PTPRZ1: variants seen among roughly 807,000 people sequenced by gnomAD.
PTPRZ1 encodes protein tyrosine phosphatase receptor type Z1.
In PTPRZ1, 82 loss-of-function variants were observed where a neutral mutation model predicts 214.1. That is an observed-to-expected ratio of 0.38 (90% CI 0.32 to 0.46). PTPRZ1 has a LOEUF of 0.46. Ranked by LOEUF, PTPRZ1 falls within the 20% of genes least tolerant of loss-of-function variation. The pLI, the probability that PTPRZ1 is intolerant of heterozygous loss-of-function variation, is 1.00. For synonymous variants in PTPRZ1, 945 were observed against 987.9 expected, an observed-to-expected ratio of 0.96 and a Z score of 0.81; for missense variants, 2,603 against 2,748.7, an observed-to-expected ratio of 0.95 and a Z score of 1.19.
intron 2 of PTPRZ1, among the ~76,000 whole-genome samples, chr7:121,956,833 A>C (rs1175456046): frequency 5.9e-5 from 9 of 152,250 alleles, no homozygotes; most frequent in African/African-American, 2.2e-4. Context: ...ACCAAGAGGA[A>C]GTCTCTCAAA....
At chr7:121,914,587 G>GC (rs1156315795) in intron 1 of PTPRZ1, among the ~76,000 whole-genome samples, 1 of 152,122 alleles carries the variant, frequency 6.6e-6, no homozygotes, top group Non-Finnish European at 1.5e-5. Flanking sequence ...CTTGGGACGT[G>GC]CCTTGAATTT....
At chr7:121,881,628 T>C (rs1189859138) in intron 1 of PTPRZ1, among the ~76,000 whole-genome samples, 1 of 152,166 alleles carries the variant, frequency 6.6e-6, no homozygotes, top group Non-Finnish European at 1.5e-5. Context: ...TCCTGGAAAT[T>C]TTCCCTTCTC....
chr7:121,983,766 A>C lies in PTPRZ1; in HGVS notation c.721A>C (p.Thr241Pro). 1.2e-6 allele frequency: 2 copies of C among 1,613,748 alleles called. No individual in the cohort carries two copies. Among genetic ancestry groups the C allele is most frequent in the Non-Finnish European group, 1.7e-6 (2 of 1,179,936 alleles). The change falls in exon 7 of 30, where the codon ACA becomes CCA. Residue 241 changes from threonine (T) to proline (P), a missense_variant. Physicochemically the swap from Thr to Pro is conservative, Grantham distance 38. Around this residue, in one of 6 missense-constraint regions of PTPRZ1, gnomAD observed 244 missense variants for 333.2 expected, o/e 0.73. Transcript: ENST00000393386. ...TGGCTCATTGACATCTCCTCCCTGCACAGACACAGTTGACTGGATTGTTTT... is the reference window on the plus strand; with the variant it reads ...TGGCTCATTGACATCTCCTCCCTGCCCAGACACAGTTGACTGGATTGTTTT... ...YNGSLTSPPC[T>P]DTVDWIVFKD...
intron 8 of PTPRZ1, among the ~76,000 whole-genome samples, chr7:121,995,046 G>T (rs1051316473): frequency 6.6e-6 from 1 of 152,038 alleles, no homozygotes; most frequent in African/African-American, 2.4e-5. Flanking sequence ...CTGTACATAT[G>T]CTATGCCATT....
In PTPRZ1 at chr7:122,044,559, A is replaced by G; in HGVS notation, c.6075A>G (p.Lys2025=). The G allele has an allele frequency of 6.2e-7, 1 of 1,613,580 alleles. No individual in the cohort carries two copies. Among genetic ancestry groups the G allele is most frequent in the South Asian group, 1.1e-5 (1 of 91,068 alleles). The change falls in exon 23 of 30, where the codon AAA becomes AAG. Residue 2025 remains lysine, a synonymous_variant. Coordinates refer to ENST00000393386, the MANE Select transcript of PTPRZ1 (RefSeq NM_002851.3). ...CAGCAGGCAAAACAAAGCTAGAGAA[A>G]CAATTCCAGGTGAGTCCTCTTGGAA... ...PGPAGKTKLE[K]QFQLLSQSNI... is the part of the protein sequence containing the mutation.
At chr7:122,047,676 TCTCA>T (rs1157334401) in intron 23 of PTPRZ1, among the ~76,000 whole-genome samples, 2 of 145,498 alleles carry the variant, frequency 1.4e-5, no homozygotes, top group Admixed American at 1.4e-4. Context: ...TGAGACAGGG[TCTCA>T]CTCTGTCACC....
At chr7:122,028,713 G>C in intron 14 of PTPRZ1, 70 bp downstream of exon 14, 1 of 1,223,548 alleles carries the variant, frequency 8.2e-7, no homozygotes, top group Non-Finnish European at 1.2e-6. Context: ...TGAAAGGTTT[G>C]TTTTTATCGG....
At chr7:121,888,896 A>G (rs542343752) in intron 1 of PTPRZ1, among the ~76,000 whole-genome samples, 16 of 152,262 alleles carry the variant, frequency 1.1e-4, no homozygotes, top group African/African-American at 3.1e-4. Flanking sequence ...AATAGCTAAA[A>G]GCAGCAATAT....
intron 6 of PTPRZ1, among the ~76,000 whole-genome samples, chr7:121,983,059 C>A (rs921427981): frequency 6.6e-6 from 1 of 152,168 alleles, no homozygotes; most frequent in South Asian, 2.1e-4. Context: ...CCACCACGCC[C>A]GGCCTGTAAA....
At position 121,963,828 on chromosome 7, in the gene PTPRZ1, G is replaced by T. The variant is rs190760312; in HGVS notation, c.125-4123G>T. 3.3e-3 allele frequency among the ~76,000 whole-genome samples: 498 copies of T among 152,078 alleles called. 2 individuals are homozygous for T. Among genetic ancestry groups the T allele is most frequent in the African/African-American group, 0.012 (478 of 41,494 alleles). On this transcript the variant is annotated intron_variant, in intron 2 of 29. Transcript: ENST00000393386. ...GGTCACTTCCTTGACTGCCTATCCT[G>T]CCTCACTATGATCTAGTAGGTGATT...
rs58135453 is a variant in PTPRZ1 at position 121,891,451 on chromosome 7, C to CTTTTTTTTTTTTTTTTTTTTTTTTTTTTT, written c.58+17896_58+17924dup. 2.0e-4 allele frequency among the ~76,000 whole-genome samples: 7 copies of CTTTTTTTTTTTTTTTTTTTTTTTTTTTTT among 35,754 alleles called. 1 individual carries two copies. The highest frequency in any genetic ancestry group is 7.2e-4 in the Admixed American group (2 of 2,782). The allele number at this position is 35,754 out of a possible 152,430, so 23.5% of individuals were successfully genotyped here. A position where few individuals can be genotyped will look rare whatever the true frequency, so the allele number is the denominator to read the frequency against. On this transcript the variant is annotated intron_variant, in intron 1 of 29. Transcript: ENST00000393386. ...AAATATTTGTTGAATAAAACAACCT[C>CTTTTTTTTTTTTTTTTTTTTTTTTTTTTT]TTTTTTTTTTTTTTTTTTTTTTTTT...
chr7:122,030,431 T>A (rs758610302), intron 14 of PTPRZ1, among the ~76,000 whole-genome samples: 27 of 152,066 alleles, frequency 1.8e-4, no homozygotes, highest in Admixed American at 3.3e-4. Context: ...ATGTGACAAA[T>A]CATTTCTGTT....
In PTPRZ1 at chr7:122,036,655, T is replaced by G; in HGVS notation, c.5340T>G (p.Thr1780=). The change falls in exon 18 of 30, where the codon ACT becomes ACG. Residue 1780 remains threonine, a synonymous_variant. Coordinates refer to ENST00000393386, the MANE Select transcript of PTPRZ1 (RefSeq NM_002851.3). ...TTGCTGAAAAGGATGGCAAACTGAC[T>G]GATTATATCAATGCCAATTATGTTG... is the stretch of plus-strand genomic sequence containing the variant. ...AQLAEKDGKL[T]DYINANYVDG... 2 of 1,607,540 alleles carry G rather than the reference T, an allele frequency of 1.2e-6. No individual in the cohort carries two copies. Among genetic ancestry groups the G allele is most frequent in the Non-Finnish European group, 1.7e-6 (2 of 1,174,110 alleles).
chr7:121,997,518 GTTCACT>G (rs1193329209), intron 9 of PTPRZ1, among the ~76,000 whole-genome samples: 1 of 151,912 alleles, frequency 6.6e-6, no homozygotes, highest in Non-Finnish European at 1.5e-5. Flanking sequence ...TAACTTAGTT[GTTCACT>G]TTTTCACATT....
intron 2 of PTPRZ1, among the ~76,000 whole-genome samples, chr7:121,929,757 G>A (rs1352194650): frequency 4.0e-5 from 6 of 150,938 alleles, no homozygotes; most frequent in Non-Finnish European, 5.9e-5. Context: ...GCAGTGAGCC[G>A]AGATCACGCC....
rs117290248 is a variant in PTPRZ1 at position 121,917,916 on chromosome 7, G to A, written c.59-10240G>A. Among the ~76,000 whole-genome samples the A allele has an allele frequency of 4.8e-3, 729 of 152,184 alleles. 1 individual carries two copies. Among genetic ancestry groups the A allele is most frequent in the Middle Eastern group, 0.031 (9 of 294 alleles). On this transcript the variant is annotated intron_variant, in intron 1 of 29. Transcript: ENST00000393386. ...GCTTAAGTAGTTTTAATGAGCAATA[G>A]CAAGTGGCTTATAAAAGATACTGGC...
Position 122,055,057 on chromosome 7 carries a change from A to G in PTPRZ1, c.6498A>G (p.Ile2166Met). The change falls in exon 27 of 30, where the codon ATA (isoleucine) becomes ATG (methionine). Residue 2166 changes from isoleucine to methionine, a missense_variant. Physicochemically the swap from Ile to Met is conservative, Grantham distance 10 (BLOSUM62 1). Around this residue, in one of 6 missense-constraint regions of PTPRZ1, gnomAD observed 134 missense variants for 183.3 expected, o/e 0.73. Coordinates refer to ENST00000393386, the MANE Select transcript of PTPRZ1 (RefSeq NM_002851.3). ...GTCTATCTAATGAGGAAAAACTTATAATTCAGGACTTTATCTTAGAAGCTA... is the reference window on the plus strand; with the variant it reads ...GTCTATCTAATGAGGAAAAACTTATGATTCAGGACTTTATCTTAGAAGCTA... The part of the protein sequence containing the change: ...HKCLSNEEKL[I>M]IQDFILEATQ... 6.3e-7 allele frequency: 1 copy of G among 1,594,510 alleles called. No individual in the cohort carries two copies. The highest frequency in any genetic ancestry group is 8.6e-7 in the Non-Finnish European group (1 of 1,166,260).
intron 13 of PTPRZ1, among the ~76,000 whole-genome samples, chr7:122,023,716 A>T (rs13312622): frequency 0.011 from 1,371 of 129,018 alleles, 27 homozygotes; most frequent in Non-Finnish European, 0.017. Flanking sequence ...ATATATAATT[A>T]TATATATTAT....
At chr7:121,946,817 T>A (rs757699368) in intron 2 of PTPRZ1, among the ~76,000 whole-genome samples, 4 of 152,134 alleles carry the variant, frequency 2.6e-5, no homozygotes, top group Non-Finnish European at 5.9e-5. Flanking sequence ...AAGAGCATAT[T>A]TTTTGTGACG....
Sources: allele counts gnomAD v4.1 joint callset (sites outside exome capture counted in the v4.1 genomes callset), GRCh38; gene constraint gnomAD v4.1.1; regional missense constraint gnomAD v4.1.1; transcripts MANE v1.5; gene names NCBI Gene and HGNC (gene_info 2026-07-23, HGNC 2026-07-21).